Variants in KCNH7 observed in about 807,000 individuals in gnomAD.
KCNH7 encodes the protein potassium voltage-gated channel subfamily H member 7.
In KCNH7, 49 loss-of-function variants were observed where a neutral mutation model predicts 120.8. The ratio of observed to expected loss-of-function variants is 0.41; its 90% confidence interval spans 0.32 to 0.51. The LOEUF (loss-of-function observed/expected upper bound fraction) is 0.51, where lower values mean the gene tolerates loss of function less well. KCNH7 is among the 20% of genes least tolerant of loss of function. KCNH7 has a pLI of 0.38. For synonymous variants in KCNH7, 547 were observed against 516.1 expected (o/e 1.06, Z -0.81); for missense variants, 1,097 against 1,446.6 (o/e 0.76, Z 3.92).
chr2:162,787,348 C>A (rs1212557451), intron 2 of KCNH7, among the ~76,000 whole-genome samples: 3 of 152,144 alleles, frequency 2.0e-5, no homozygotes, highest in Admixed American at 2.0e-4. Context: ...GCACCATGAA[C>A]CCAGGCTCTA....
chr2:162,736,842 G>A (rs1687931335), intron 2 of KCNH7, among the ~76,000 whole-genome samples: 1 of 152,140 alleles, frequency 6.6e-6, no homozygotes, highest in Admixed American at 6.6e-5. Context: ...CTTTACTGTG[G>A]TTCTGCACAA....
intron 9 of KCNH7, among the ~76,000 whole-genome samples, chr2:162,416,720 C>G (rs1281085723): frequency 6.6e-6 from 1 of 152,032 alleles, no homozygotes; most frequent in African/African-American, 2.4e-5. Context: ...CAGCATAGCT[C>G]TGGAGTGTTA....
At chr2:162,824,352 G>A (rs1485454202) in intron 2 of KCNH7, among the ~76,000 whole-genome samples, 1 of 152,158 alleles carries the variant, frequency 6.6e-6, no homozygotes, top group Non-Finnish European at 1.5e-5. Flanking sequence ...ATGAATAGAT[G>A]CCAGCTAATA....
chr2:162,380,686 C>T (rs1287757642), intron 13 of KCNH7, among the ~76,000 whole-genome samples: 1 of 152,018 alleles, frequency 6.6e-6, no homozygotes, highest in Non-Finnish European at 1.5e-5. Flanking sequence ...TTTCTTGTGG[C>T]TCTTTATTTT....
Position 162,836,659 on chromosome 2 carries a change from T to A in KCNH7, c.185A>T (p.Lys62Met). The A allele has an allele frequency of 6.2e-7, 1 of 1,614,156 alleles. No individual in the cohort carries two copies. Among genetic ancestry groups the A allele is most frequent in the South Asian group, 1.1e-5 (1 of 91,084 alleles). ...TGFSRPDVMQ[K>M]PCTCDFLHGP... ...ATGGAGAAAGTCGCAGGTGCATGGC[T>A]TTTGCATGACATCTGGCCTGGAGAA... is the stretch of plus-strand genomic sequence containing the variant. The change falls in exon 2 of 16, where the codon AAG becomes ATG. Residue 62 changes from lysine (K) to methionine (M), a missense_variant. By Grantham distance (95) the Lys-to-Met change is moderately conservative. Around this residue, in one of 8 missense-constraint regions of KCNH7, gnomAD observed 57 missense variants for 116.2 expected, o/e 0.49. Coordinates refer to ENST00000332142, the MANE Select transcript of KCNH7 (RefSeq NM_033272.4).
At chr2:162,595,196 A>C (rs1694338611) in intron 2 of KCNH7, among the ~76,000 whole-genome samples, 1 of 152,046 alleles carries the variant, frequency 6.6e-6, no homozygotes, top group Non-Finnish European at 1.5e-5. Flanking sequence ...AAGGAGAAGC[A>C]AGCACCTTTT....
chr2:162,674,491 G>C (rs1437313723), intron 2 of KCNH7, among the ~76,000 whole-genome samples: 1 of 151,516 alleles, frequency 6.6e-6, no homozygotes, highest in African/African-American at 2.4e-5. Context: ...AAATTAAAAA[G>C]CTTATTCTTA....
At chr2:162,726,897 C>G (rs1383343131) in intron 2 of KCNH7, among the ~76,000 whole-genome samples, 1 of 152,096 alleles carries the variant, frequency 6.6e-6, no homozygotes, top group East Asian at 1.9e-4. Flanking sequence ...AGCTATTTTC[C>G]CAAGGAACAC....
intron 2 of KCNH7, among the ~76,000 whole-genome samples, chr2:162,575,902 C>A (rs529182442): frequency 6.6e-6 from 1 of 152,120 alleles, no homozygotes; most frequent in Non-Finnish European, 1.5e-5. Context: ...TAAAATTAAA[C>A]CAAACAGTTT....
intron 6 of KCNH7, among the ~76,000 whole-genome samples, chr2:162,470,657 TC>T (rs1042908319): frequency 6.0e-5 from 9 of 151,190 alleles, no homozygotes; most frequent in Non-Finnish European, 1.2e-4. Context: ...AGCCGCCCCG[TC>T]CGGGAGGTGA....
intron 2 of KCNH7, among the ~76,000 whole-genome samples, chr2:162,667,914 T>A (rs1432394328): frequency 1.3e-5 from 2 of 152,200 alleles, no homozygotes; most frequent in Non-Finnish European, 2.9e-5. Flanking sequence ...GTGAGTAGAA[T>A]GTTGTATATA....
chr2:162,574,191 G>A (rs978424855), intron 2 of KCNH7, among the ~76,000 whole-genome samples: 5 of 152,004 alleles, frequency 3.3e-5, no homozygotes, highest in African/African-American at 1.2e-4. Context: ...ACACTGCAAA[G>A]TACATACTGT....
At chr2:162,777,654 G>A (rs561743942) in intron 2 of KCNH7, among the ~76,000 whole-genome samples, 1 of 152,168 alleles carries the variant, frequency 6.6e-6, no homozygotes, top group South Asian at 2.1e-4. Context: ...TAACAACCTT[G>A]TGAGGTTTTA....
At chr2:162,669,602 T>C (rs1238629554) in intron 2 of KCNH7, among the ~76,000 whole-genome samples, 1 of 152,194 alleles carries the variant, frequency 6.6e-6, no homozygotes, top group Non-Finnish European at 1.5e-5. Context: ...TTGGTACCCA[T>C]ATTTGCACCG....
chr2:162,428,165 AG>A lies in KCNH7; in HGVS notation c.1955-4631del, dbSNP rs1285865247. Among the ~76,000 whole-genome samples, 3 of 151,386 alleles carry A rather than the reference AG, an allele frequency of 2.0e-5. No homozygotes were observed. In the East Asian group the frequency reaches 5.8e-4, roughly 29 times the overall value. ...TAGATTTATCACTAAAAAATGCCTTAGGTGCCCTATACAAATTTTGATACAT... is the reference window on the plus strand; with the variant it reads ...TAGATTTATCACTAAAAAATGCCTTAGTGCCCTATACAAATTTTGATACAT... On this transcript the variant is annotated intron_variant, in intron 8 of 15. Transcript: ENST00000332142.
In KCNH7 at chr2:162,832,669, C is replaced by T. The variant is rs371005176; in HGVS notation, c.307+3868G>A. Among the ~76,000 whole-genome samples the T allele has an allele frequency of 7.9e-5, 12 of 152,184 alleles. 1 individual carries two copies. In the South Asian group the frequency reaches 2.5e-3, roughly 32 times the overall value. ...GAAGCAGAGATCAGGTTGCATCTTCCTTTGTATCTCTTCCTACTGTTCTTA... is the reference window on the plus strand; with the variant it reads ...GAAGCAGAGATCAGGTTGCATCTTCTTTTGTATCTCTTCCTACTGTTCTTA... On this transcript the variant is annotated intron_variant, in intron 2 of 15. Coordinates refer to ENST00000332142, the MANE Select transcript of KCNH7 (RefSeq NM_033272.4).
rs577435003 is a variant in KCNH7 at position 162,400,331 on chromosome 2, T to C, written c.2265A>G (p.Arg755=). The change falls in exon 10 of 16, where the codon AGA becomes AGG. Residue 755 remains arginine, a synonymous_variant. Transcript: ENST00000332142. ...TGGTTTTGAACTTCATTGCCAAAGC[T>C]CTAAGGCAACCTTTACTTGCCCCCC... ...AFRGASKGCL[R]ALAMKFKTTH... 5.1e-5 allele frequency: 83 copies of C among 1,612,562 alleles called. 1 individual carries two copies. The South Asian group carries it at 8.6e-4, about 17-fold the overall frequency.
At position 162,427,863 on chromosome 2, in the gene KCNH7, CTT is replaced by C. The variant is rs1272097959; in HGVS notation, c.1955-4330_1955-4329del. ...TCTTATCCTTTTAATGTCCATAAGACTTGTGTTATTATCTTTCTTTCATACAG... is the reference window on the plus strand; with the variant it reads ...TCTTATCCTTTTAATGTCCATAAGACGTGTTATTATCTTTCTTTCATACAG... On this transcript the variant is annotated intron_variant, in intron 8 of 15. Transcript: ENST00000332142. Among the ~76,000 whole-genome samples the C allele has an allele frequency of 2.0e-5, 3 of 151,614 alleles. No homozygotes were observed. The East Asian group carries it at 5.8e-4, about 29-fold the overall frequency.
At chr2:162,762,390 A>G (rs1004391107) in intron 2 of KCNH7, among the ~76,000 whole-genome samples, 1 of 47,706 alleles carries the variant, frequency 2.1e-5, no homozygotes, top group African/African-American at 4.6e-5. Flanking sequence ...AGAGACTAAC[A>G]CTGGGACAGG....
Sources: gnomAD v4.1 joint callset for allele counts (sites outside exome capture counted in the v4.1 genomes callset) on GRCh38, gnomAD v4.1.1 for gene constraint, gnomAD v4.1.1 regional missense constraint, MANE v1.5 for transcripts, NCBI Gene and HGNC (gene_info 2026-07-23, HGNC 2026-07-21) for gene names.